CDK14: variants seen among roughly 807,000 people sequenced by gnomAD.
CDK14 encodes cyclin dependent kinase 14, also known as cyclin-dependent kinase 14.
A neutral mutation model predicts 60.7 loss-of-function variants in CDK14; 34 were observed. The ratio of observed to expected loss-of-function variants is 0.56; its 90% CI spans 0.43 to 0.75. The LOEUF (loss-of-function observed/expected upper bound fraction) is 0.75. Ranked by LOEUF, CDK14 falls within the 30% of genes least tolerant of loss-of-function variation. CDK14 has a pLI of 0.00. For missense variants in CDK14, 482 were observed against 564.1 expected (o/e 0.85, Z 1.47); for synonymous variants, 197 against 203.7 (o/e 0.97, Z 0.28).
At chr7:90,959,156 A>G (rs1794523619) in intron 9 of CDK14, among the ~76,000 whole-genome samples, 1 of 152,152 alleles carries the variant, frequency 6.6e-6, no homozygotes, top group Non-Finnish European at 1.5e-5. Context: ...AGTGGAAAGG[A>G]GGAAAACTGA....
At chr7:90,961,321 G>T (rs1794597878) in intron 9 of CDK14, among the ~76,000 whole-genome samples, 1 of 151,966 alleles carries the variant, frequency 6.6e-6, no homozygotes, top group Non-Finnish European at 1.5e-5. Context: ...ATTGTTTTAA[G>T]ACATTTTACT....
At chr7:90,968,024 T>C (rs1389972374) in intron 9 of CDK14, among the ~76,000 whole-genome samples, 1 of 152,242 alleles carries the variant, frequency 6.6e-6, no homozygotes, top group East Asian at 1.9e-4. Context: ...AATTCTGTGC[T>C]TGTTATGACA....
chr7:90,663,079 T>C (rs1800894897), intron 2 of CDK14, among the ~76,000 whole-genome samples: 2 of 132,232 alleles, frequency 1.5e-5, no homozygotes, highest in Admixed American at 7.8e-5. Context: ...TTTGGGGTGA[T>C]TGGAACTAAG....
intron 10 of CDK14, among the ~76,000 whole-genome samples, chr7:91,031,462 A>C (rs895890840): frequency 1.3e-5 from 2 of 152,120 alleles, no homozygotes; most frequent in Non-Finnish European, 2.9e-5. Flanking sequence ...CTTGTATGTA[A>C]AATTTAAAAT....
At chr7:90,854,506 G>A (rs1790756406) in intron 5 of CDK14, among the ~76,000 whole-genome samples, 1 of 152,104 alleles carries the variant, frequency 6.6e-6, no homozygotes, top group African/African-American at 2.4e-5. Flanking sequence ...TCCAGCCTGG[G>A]CAATAGAGCA....
intron 14 of CDK14, among the ~76,000 whole-genome samples, chr7:91,200,210 C>T (rs1802672238): frequency 6.6e-6 from 1 of 152,186 alleles, no homozygotes; most frequent in Non-Finnish European, 1.5e-5. Context: ...AAACTTACCA[C>T]TTTGAATCCA....
At chr7:91,057,304 A>G (rs1316815918) in intron 11 of CDK14, among the ~76,000 whole-genome samples, 2 of 152,118 alleles carry the variant, frequency 1.3e-5, no homozygotes, top group Non-Finnish European at 1.5e-5. Context: ...TCTGGATATT[A>G]GCCCTTTGTC....
At chr7:90,684,846 G>A (rs909586466) in intron 2 of CDK14, among the ~76,000 whole-genome samples, 2 of 151,866 alleles carry the variant, frequency 1.3e-5, no homozygotes, top group Non-Finnish European at 2.9e-5. Flanking sequence ...ACATATATAT[G>A]TTTCCTTGTT....
intron 4 of CDK14, among the ~76,000 whole-genome samples, chr7:90,769,407 A>T (rs1337413379): frequency 6.6e-6 from 1 of 151,682 alleles, no homozygotes; most frequent in African/African-American, 2.4e-5. Flanking sequence ...GACTGTAAGG[A>T]TTGACACACA....
At chr7:90,628,917 T>C (rs1339954053) in intron 2 of CDK14, among the ~76,000 whole-genome samples, 3 of 151,606 alleles carry the variant, frequency 2.0e-5, no homozygotes, top group Non-Finnish European at 4.4e-5. Context: ...GTTTGCATTT[T>C]TCACAGACTC....
Position 91,044,806 on chromosome 7 carries a change from C to T in CDK14, c.1042-1091C>T, listed in dbSNP as rs189812659. On this transcript the variant is annotated intron_variant, in intron 10 of 14. Coordinates refer to ENST00000380050, the MANE Select transcript of CDK14 (RefSeq NM_001287135.2). ...TTGGAATGACACCATCTGGCACTCC[C>T]TTGAACATACAGTCCCTGTGGAAGA... Among the ~76,000 whole-genome samples the T allele has an allele frequency of 8.8e-4, 134 of 152,308 alleles. 1 individual carries two copies. Among genetic ancestry groups the T allele is most frequent in the Middle Eastern group, 3.4e-3 (1 of 294 alleles).
At chr7:90,938,243 C>G (rs890196001) in intron 8 of CDK14, among the ~76,000 whole-genome samples, 1 of 152,194 alleles carries the variant, frequency 6.6e-6, no homozygotes, top group African/African-American at 2.4e-5. Flanking sequence ...AATAATCCAT[C>G]TTTGTTTTGT....
rs1245652024 is a variant in CDK14 at position 90,736,344 on chromosome 7, GT to G, written c.369+9537del. Among the ~76,000 whole-genome samples the G allele has an allele frequency of 1.2e-4, 5 of 41,026 alleles. 1 individual carries two copies. The East Asian group carries it at 2.9e-3, about 24-fold the overall frequency. The allele number at this position is 41,026 out of a possible 152,430, so 26.9% of individuals were successfully genotyped here. A position where few individuals can be genotyped will look rare whatever the true frequency, so the allele number is the denominator to read the frequency against. ...GTGATAAGAAGGGGTACTTTATTAT[GT>G]TTTTGTTTTTTTTTTTTTTTTTTTT... is the stretch of plus-strand genomic sequence containing the variant. On this transcript the variant is annotated intron_variant, in intron 3 of 14. Transcript: ENST00000380050.
chr7:90,889,491 A>C lies in CDK14; in HGVS notation c.640-9800A>C, dbSNP rs144161525. ...AAATGACAGCTGAAATCATTTAGAC[A>C]GAATTATGGGACATGTAAGACACGT... On this transcript the variant is annotated intron_variant, in intron 6 of 14. Transcript: ENST00000380050. 5.0e-3 allele frequency among the ~76,000 whole-genome samples: 760 copies of C among 152,352 alleles called. 4 individuals are homozygous for C. Among genetic ancestry groups the C allele is most frequent in the Middle Eastern group, 0.014 (4 of 294 alleles).
chr7:90,975,273 C>A (rs1795034991), intron 9 of CDK14, among the ~76,000 whole-genome samples: 1 of 152,028 alleles, frequency 6.6e-6, no homozygotes, highest in Admixed American at 6.6e-5. Context: ...TAAATCTTTT[C>A]ACCTTGAATT....
Position 91,008,127 on chromosome 7 carries a change from C to CAAAAAAAAAAA in CDK14, c.1041+23894_1041+23904dup, listed in dbSNP as rs56082719. ...ATGGGAGCCAGTGCCGGGAGAAGGC[C>CAAAAAAAAAAA]AAAAAAAAAAAAAAAAAACAAACAA... is the stretch of plus-strand genomic sequence containing the variant. On this transcript the variant is annotated intron_variant, in intron 10 of 14. Coordinates refer to ENST00000380050, the MANE Select transcript of CDK14 (RefSeq NM_001287135.2). Among the ~76,000 whole-genome samples, 35 of 62,580 alleles carry CAAAAAAAAAAA rather than the reference C, an allele frequency of 5.6e-4. 2 individuals carry two copies. The highest frequency in any genetic ancestry group is 1.9e-3 in the African/African-American group (31 of 16,710). 41.1% of individuals were successfully genotyped at this position (62,580 alleles called of 152,430 possible).
At chr7:90,801,530 T>C (rs756654224) in intron 5 of CDK14, among the ~76,000 whole-genome samples, 1 of 152,182 alleles carries the variant, frequency 6.6e-6, no homozygotes, top group African/African-American at 2.4e-5. Flanking sequence ...AGAACTGATA[T>C]AATGGAGACC....
chr7:90,644,129 A>T (rs1202737751), intron 2 of CDK14, among the ~76,000 whole-genome samples: 1 of 152,222 alleles, frequency 6.6e-6, no homozygotes, highest in Non-Finnish European at 1.5e-5. Context: ...GCAGGAAGGC[A>T]GACATCTGCA....
At chr7:90,627,345 G>A (rs559210066) in intron 2 of CDK14, among the ~76,000 whole-genome samples, 56 of 152,066 alleles carry the variant, frequency 3.7e-4, no homozygotes, top group African/African-American at 1.2e-3. Flanking sequence ...AAGTAGCTGT[G>A]ATTACAGGCG....
Sources: gnomAD v4.1 joint callset for allele counts (sites outside exome capture counted in the v4.1 genomes callset) on GRCh38, gnomAD v4.1.1 for gene constraint, MANE v1.5 for transcripts, NCBI Gene and HGNC (gene_info 2026-07-23, HGNC 2026-07-21) for gene names.